SUPT3H: variants seen among roughly 807,000 people sequenced by gnomAD.
SUPT3H encodes the protein SPT3 homolog, SAGA and STAGA complex component, also known as transcription initiation protein SPT3 homolog.
In SUPT3H, 44 loss-of-function variants were observed where a neutral mutation model predicts 44.3. The observed-to-expected ratio is 0.99, with a 90% CI of 0.78 to 1.28. The LOEUF (loss-of-function observed/expected upper bound fraction) is 1.28. Ranked by LOEUF, SUPT3H falls within the 50% of genes most tolerant of loss-of-function variation. The pLI, the probability that SUPT3H is intolerant of heterozygous loss-of-function variation, is 0.00. For missense variants in SUPT3H, 380 were observed against 387.1 expected, an observed-to-expected ratio of 0.98 and a Z score of 0.15; for synonymous variants, 124 against 125.6, an observed-to-expected ratio of 0.99 and a Z score of 0.09.
Position 45,003,652 on chromosome 6 carries a change from C to T in SUPT3H, c.504+1G>A, listed in dbSNP as rs143008476. The T allele has an allele frequency of 6.2e-7, 1 of 1,613,046 alleles. No homozygotes were observed. The highest frequency in any genetic ancestry group is 8.5e-7 in the Non-Finnish European group (1 of 1,179,404). ...TGTAAAAAGGGAAGAATGTACTATACCTCCATTCTTTCTTGTTTAACTTCA... is the reference window on the plus strand; with the variant it reads ...TGTAAAAAGGGAAGAATGTACTATATCTCCATTCTTTCTTGTTTAACTTCA... On this transcript the variant is annotated splice_donor_variant, in intron 6 of 10. Transcript: ENST00000371459. LOFTEE classifies it high-confidence loss of function.
chr6:45,306,434 C>A (rs528766821), intron 2 of SUPT3H, among the ~76,000 whole-genome samples: 1 of 152,214 alleles, frequency 6.6e-6, no homozygotes, highest in East Asian at 1.9e-4. Context: ...CCTCGGCTGG[C>A]AGAGCTACAC....
chr6:44,944,774 A>AAAAAAAAAAAAG (rs1773051376), intron 9 of SUPT3H, among the ~76,000 whole-genome samples: 1 of 116,504 alleles, frequency 8.6e-6, no homozygotes, highest in East Asian at 2.6e-4. Context: ...AAAAAAAAAA[A>AAAAAAAAAAAAG]AAAAAAAAAA....
intron 2 of SUPT3H, among the ~76,000 whole-genome samples, chr6:45,299,391 A>G (rs992700939): frequency 1.3e-5 from 2 of 152,132 alleles, no homozygotes; most frequent in African/African-American, 4.8e-5. Context: ...GACTATGTTA[A>G]AAACAAAAGC....
intron 2 of SUPT3H, among the ~76,000 whole-genome samples, chr6:45,273,979 C>G (rs1776622609): frequency 6.6e-6 from 1 of 152,176 alleles, no homozygotes; most frequent in Non-Finnish European, 1.5e-5. Flanking sequence ...CATTTGTTAT[C>G]TTTTTGATCA....
At chr6:45,282,096 A>T (rs1406115163) in intron 2 of SUPT3H, among the ~76,000 whole-genome samples, 1 of 152,228 alleles carries the variant, frequency 6.6e-6, no homozygotes, top group Non-Finnish European at 1.5e-5. Flanking sequence ...GTACGTCACT[A>T]TCATCAAAGA....
intron 2 of SUPT3H, among the ~76,000 whole-genome samples, chr6:45,117,389 C>G (rs1447929345): frequency 1.3e-5 from 2 of 151,988 alleles, no homozygotes; most frequent in Non-Finnish European, 2.9e-5. Flanking sequence ...GTGACATTAC[C>G]TTAATGAAAG....
intron 2 of SUPT3H, among the ~76,000 whole-genome samples, chr6:45,291,211 C>CG (rs1675352692): frequency 6.6e-6 from 1 of 152,116 alleles, no homozygotes; most frequent in Non-Finnish European, 1.5e-5. Context: ...CACTACAACT[C>CG]GGCTCCCAGG....
intron 2 of SUPT3H, among the ~76,000 whole-genome samples, chr6:45,216,484 A>G (rs931333099): frequency 6.6e-6 from 1 of 152,226 alleles, no homozygotes; most frequent in Non-Finnish European, 1.5e-5. Flanking sequence ...TAATTCACCA[A>G]TTAAAAGATA....
At chr6:45,067,766 C>T (rs1470752397) in intron 3 of SUPT3H, among the ~76,000 whole-genome samples, 6 of 141,848 alleles carry the variant, frequency 4.2e-5, no homozygotes, top group Admixed American at 1.4e-4. Flanking sequence ...CTATGAGATA[C>T]CATCTCACAC....
chr6:44,982,869 T>C (rs1779294971), intron 6 of SUPT3H, among the ~76,000 whole-genome samples: 1 of 152,202 alleles, frequency 6.6e-6, no homozygotes, highest in Non-Finnish European at 1.5e-5. Flanking sequence ...CTACTCTGGC[T>C]TCAAATAGTT....
chr6:45,106,074 T>C (rs1370277881), intron 2 of SUPT3H, 68 bp from the exon 3 acceptor site: 3 of 1,230,858 alleles, frequency 2.4e-6, no homozygotes, highest in Non-Finnish European at 3.6e-6. Flanking sequence ...AAGTGAAACA[T>C]TTATTACATG....
chr6:44,847,327 G>C (rs1772043590), intron 10 of SUPT3H, among the ~76,000 whole-genome samples: 1 of 152,190 alleles, frequency 6.6e-6, no homozygotes, highest in African/African-American at 2.4e-5. Context: ...TAACAACACA[G>C]ATTAGCTGTT....
intron 10 of SUPT3H, among the ~76,000 whole-genome samples, chr6:44,868,973 G>C (rs1775932897): frequency 5.9e-5 from 9 of 152,144 alleles, no homozygotes; most frequent in Admixed American, 3.3e-4. Context: ...TGTCACTTTT[G>C]ATTCCTCTGA....
chr6:45,090,483 T>C (rs1228179993), intron 3 of SUPT3H, among the ~76,000 whole-genome samples: 1 of 152,036 alleles, frequency 6.6e-6, no homozygotes, highest in Non-Finnish European at 1.5e-5. Flanking sequence ...AAAGAGACAT[T>C]TGAAAATATC....
rs770608215 is a variant in SUPT3H, at chr6:45,262,392, A to G, written c.101+102809T>C. ...AACCACCTGATCTTCAACAAAGTCA[A>G]CAATAACAAGTAATGGGGAAAGGAC... On this transcript the variant is annotated intron_variant, in intron 2 of 10. Transcript: ENST00000371459. 3.3e-5 allele frequency among the ~76,000 whole-genome samples: 5 copies of G among 152,302 alleles called. No homozygotes were observed. The South Asian group carries it at 8.3e-4, about 25-fold the overall frequency.
intron 2 of SUPT3H, among the ~76,000 whole-genome samples, chr6:45,235,910 T>G (rs1584418502): frequency 6.6e-6 from 1 of 152,150 alleles, no homozygotes; most frequent in East Asian, 1.9e-4. Flanking sequence ...ACTTAAAGGC[T>G]TTCCTAAACC....
At chr6:44,953,174 A>G in intron 9 of SUPT3H, 136 bp downstream of exon 9, 1 of 641,922 alleles carries the variant, frequency 1.6e-6, no homozygotes, top group Non-Finnish European at 2.7e-6. Flanking sequence ...TACTTATTTG[A>G]ATGTCTAATG....
At chr6:45,042,986 A>G (rs1414941268) in intron 3 of SUPT3H, among the ~76,000 whole-genome samples, 1 of 152,162 alleles carries the variant, frequency 6.6e-6, no homozygotes, top group African/African-American at 2.4e-5. Context: ...ATTTTGTTCA[A>G]AGAAGGATTT....
At chr6:45,285,582 T>C (rs1032644013) in intron 2 of SUPT3H, among the ~76,000 whole-genome samples, 5 of 151,774 alleles carry the variant, frequency 3.3e-5, no homozygotes, top group Non-Finnish European at 4.4e-5. Context: ...CACTGCTCAA[T>C]GAAATAAAAG....
Sources: allele counts gnomAD v4.1 joint callset (sites outside exome capture counted in the v4.1 genomes callset), GRCh38; gene constraint gnomAD v4.1.1; transcripts MANE v1.5; gene names NCBI Gene and HGNC (gene_info 2026-07-23, HGNC 2026-07-21).